Variants in CACNA2D3 observed in about 807,000 individuals in gnomAD.
CACNA2D3 encodes the protein calcium voltage-gated channel auxiliary subunit alpha2delta 3, also known as voltage-dependent calcium channel subunit alpha-2/delta-3.
A neutral mutation model predicts 160.6 loss-of-function variants in CACNA2D3; 60 were observed. The ratio of observed to expected loss-of-function variants is 0.37; its 90% CI spans 0.30 to 0.46. The LOEUF is 0.46. Among genes scored for constraint, CACNA2D3 ranks in the 20% least tolerant of loss-of-function variants. CACNA2D3 has a pLI of 1.00. For synonymous variants in CACNA2D3, 558 were observed against 492.9 expected (o/e 1.13, Z -1.75); for missense variants, 1,205 against 1,365.0 (o/e 0.88, Z 1.85).
chr3:54,876,645 T>C (rs1172630609), intron 18 of CACNA2D3, among the ~76,000 whole-genome samples: 1 of 152,260 alleles, frequency 6.6e-6, no homozygotes, highest in Non-Finnish European at 1.5e-5. Context: ...GTTAAGAGCA[T>C]GGGCTCAAGA....
chr3:55,058,268 C>T (rs1704414971), intron 35 of CACNA2D3, among the ~76,000 whole-genome samples: 3 of 152,072 alleles, frequency 2.0e-5, no homozygotes, highest in Admixed American at 1.3e-4. Context: ...TTCAAAGCTA[C>T]AAGATATATT....
At chr3:54,802,580 A>G (rs1703016927) in intron 13 of CACNA2D3, among the ~76,000 whole-genome samples, 1 of 152,188 alleles carries the variant, frequency 6.6e-6, no homozygotes, top group Non-Finnish European at 1.5e-5. Flanking sequence ...TGTACCTAAG[A>G]GATACCCAGC....
At chr3:54,812,031 C>T (rs1377186266) in intron 13 of CACNA2D3, among the ~76,000 whole-genome samples, 1 of 152,200 alleles carries the variant, frequency 6.6e-6, no homozygotes, top group Non-Finnish European at 1.5e-5. Flanking sequence ...CCTGTCATTA[C>T]TGCTGTCTTC....
At chr3:54,282,036 A>T (rs1702893688) in intron 2 of CACNA2D3, among the ~76,000 whole-genome samples, 1 of 152,258 alleles carries the variant, frequency 6.6e-6, no homozygotes, top group African/African-American at 2.4e-5. Context: ...TAACCACAGC[A>T]GTGATGACAA....
rs552948907 is a variant in CACNA2D3 at position 55,069,539 on chromosome 3, G to T, written c.2988-3906G>T. Among the ~76,000 whole-genome samples, 54 of 152,140 alleles carry T rather than the reference G, an allele frequency of 3.5e-4. 1 individual carries two copies. The South Asian group carries it at 5.2e-3, about 15-fold the overall frequency. ...TTTATTTCACAAATATTTTTCGTTG[G>T]TTATTGCCAGTGTCAGGCTGTGGTT... On this transcript the variant is annotated intron_variant, in intron 35 of 37. Transcript: ENST00000474759.
intron 4 of CACNA2D3, among the ~76,000 whole-genome samples, chr3:54,502,947 G>C (rs1451092127): frequency 1.3e-5 from 2 of 152,120 alleles, no homozygotes; most frequent in African/African-American, 2.4e-5. Flanking sequence ...ATGTTTCCCT[G>C]ATGCCCACAC....
chr3:54,565,359 G>T (rs1205953206), intron 6 of CACNA2D3, among the ~76,000 whole-genome samples: 1 of 152,142 alleles, frequency 6.6e-6, no homozygotes, highest in African/African-American at 2.4e-5. Flanking sequence ...CCAACTCCTG[G>T]CGTGAGAGGA....
intron 11 of CACNA2D3, among the ~76,000 whole-genome samples, chr3:54,734,633 G>A (rs1164650691): frequency 6.6e-6 from 1 of 152,184 alleles, no homozygotes; most frequent in Non-Finnish European, 1.5e-5. Context: ...CATCTTTGCA[G>A]ATCGGTAGGA....
At chr3:54,353,632 T>C (rs890418257) in intron 3 of CACNA2D3, among the ~76,000 whole-genome samples, 5 of 151,670 alleles carry the variant, frequency 3.3e-5, no homozygotes, top group African/African-American at 1.2e-4. Flanking sequence ...TAGCGCAGAG[T>C]AGTGTTTGAA....
intron 5 of CACNA2D3, among the ~76,000 whole-genome samples, chr3:54,515,220 GAA>G (rs58044366): frequency 8.6e-5 from 13 of 151,400 alleles, no homozygotes; most frequent in African/African-American, 1.2e-4. Flanking sequence ...GAGAGAGAGA[GAA>G]AGAGAGAGAG....
chr3:55,043,305 GCTCC>G (rs1370473822), intron 35 of CACNA2D3, among the ~76,000 whole-genome samples: 2 of 149,990 alleles, frequency 1.3e-5, no homozygotes, highest in African/African-American at 4.9e-5. Context: ...TTCCTTCCTT[GCTCC>G]CTCCCTCCCT....
At chr3:54,494,970 G>T (rs115368489) in intron 4 of CACNA2D3, among the ~76,000 whole-genome samples, 1 of 152,094 alleles carries the variant, frequency 6.6e-6, no homozygotes, top group Non-Finnish European at 1.5e-5. Context: ...TCCCTCCCTC[G>T]ACACCTGGGA....
intron 35 of CACNA2D3, among the ~76,000 whole-genome samples, chr3:55,032,275 A>G (rs57579284): frequency 0.47 from 72,210 of 152,032 alleles, 17,851 homozygotes; most frequent in Admixed American, 0.53. Context: ...CCTCTCTGTC[A>G]TGATACTAGT....
At chr3:54,601,219 G>A (rs1703053925) in intron 9 of CACNA2D3, among the ~76,000 whole-genome samples, 1 of 152,134 alleles carries the variant, frequency 6.6e-6, no homozygotes, top group Admixed American at 6.5e-5. Flanking sequence ...GGTTTTCTTT[G>A]TAGAGACAGT....
At chr3:54,612,513 T>C (rs1197104510) in intron 9 of CACNA2D3, among the ~76,000 whole-genome samples, 1 of 152,178 alleles carries the variant, frequency 6.6e-6, no homozygotes, top group East Asian at 1.9e-4. Flanking sequence ...AGCTCCTGCA[T>C]TTATTATCTT....
chr3:54,452,763 T>A (rs6789236), intron 4 of CACNA2D3, among the ~76,000 whole-genome samples: 17 of 151,940 alleles, frequency 1.1e-4, no homozygotes, highest in African/African-American at 4.1e-4. Context: ...ATGTCTGAAA[T>A]TGAGATGTCA....
At chr3:54,747,984 A>T (rs186839277) in intron 11 of CACNA2D3, among the ~76,000 whole-genome samples, 1 of 152,288 alleles carries the variant, frequency 6.6e-6, no homozygotes, top group East Asian at 1.9e-4. Flanking sequence ...TTTCCCTCCC[A>T]AGAAAATGTG....
intron 9 of CACNA2D3, among the ~76,000 whole-genome samples, chr3:54,626,000 C>A (rs922417760): frequency 6.6e-6 from 1 of 152,174 alleles, no homozygotes; most frequent in Non-Finnish European, 1.5e-5. Context: ...AAGAAAGCCA[C>A]TCCTTAGCAA....
intron 2 of CACNA2D3, among the ~76,000 whole-genome samples, chr3:54,151,863 C>T (rs1700158158): frequency 6.6e-6 from 1 of 152,160 alleles, no homozygotes; most frequent in Non-Finnish European, 1.5e-5. Context: ...CAGGGAGAAA[C>T]CCTGTTTTCT....
Sources: gnomAD v4.1 joint callset for allele counts (sites outside exome capture counted in the v4.1 genomes callset) on GRCh38, gnomAD v4.1.1 for gene constraint, MANE v1.5 for transcripts, NCBI Gene and HGNC (gene_info 2026-07-23, HGNC 2026-07-21) for gene names.